GUCY2C: variants seen among roughly 807,000 people sequenced by gnomAD.
The protein encoded by GUCY2C is guanylate cyclase 2C, also known as guanylyl cyclase C.
In GUCY2C, 118 loss-of-function variants were observed where a neutral mutation model predicts 131.1. The observed-to-expected ratio is 0.90, with a 90% CI of 0.78 to 1.05. GUCY2C has a LOEUF of 1.05. Among genes scored for constraint, GUCY2C ranks in the 50% least tolerant of loss-of-function variants. The pLI is 0.00. For missense variants in GUCY2C, 1,161 were observed against 1,304.4 expected, an observed-to-expected ratio of 0.89 and a Z score of 1.69; for synonymous variants, 452 against 457.8, an observed-to-expected ratio of 0.99 and a Z score of 0.16.
chr12:14,677,540 G>GTTTTACT (rs1284950511), intron 6 of GUCY2C, among the ~76,000 whole-genome samples: 19 of 151,670 alleles, frequency 1.3e-4, no homozygotes, highest in Non-Finnish European at 2.2e-4. Flanking sequence ...AAATGCTATG[G>GTTTTACT]TTTATTTTTA....
chr12:14,687,697 T>A (rs1948498746), intron 2 of GUCY2C, among the ~76,000 whole-genome samples: 1 of 152,174 alleles, frequency 6.6e-6, no homozygotes, highest in Non-Finnish European at 1.5e-5. Flanking sequence ...AGAATTCCTC[T>A]CCTTACAAAT....
At chr12:14,672,123 C>T (rs1037934838) in intron 9 of GUCY2C, 18 of 152,146 alleles carry the variant, frequency 1.2e-4, no homozygotes, top group Non-Finnish European at 2.5e-4. Flanking sequence ...CAGGACCTGA[C>T]CTCCTATATA....
rs1946721617 is a variant in GUCY2C, at chr12:14,614,763, C to A, written c.3047+104G>T. Reference sequence around the variant, plus strand: ...CATGTATAGTCCCTTACTTCTTATGCAATATATGCCACTTGTAAGGCATTT... The same window carrying A: ...CATGTATAGTCCCTTACTTCTTATGAAATATATGCCACTTGTAAGGCATTT... On this transcript the variant is annotated intron_variant, in intron 26 of 26. Coordinates refer to ENST00000261170, the MANE Select transcript of GUCY2C (RefSeq NM_004963.4). The A allele has an allele frequency of 6.0e-5, 40 of 666,298 alleles. No individual in the cohort carries two copies. In the East Asian group the frequency reaches 1.2e-3, roughly 21 times the overall value. 41.3% of individuals were successfully genotyped at this position (666,298 alleles called of 1,614,324 possible).
chr12:14,681,356 C>T lies in GUCY2C; in HGVS notation c.733G>A (p.Val245Met), dbSNP rs1565633487. 6.2e-7 allele frequency: 1 copy of T among 1,612,088 alleles called. No homozygotes were observed. The highest frequency in any genetic ancestry group is 1.3e-5 in the African/African-American group (1 of 74,826). The change falls in exon 5 of 27, where the codon GTG (valine) becomes ATG (methionine). Residue 245 changes from valine (V) to methionine (M), a missense_variant and splice_region_variant. By Grantham distance (21) the Val-to-Met change is conservative (BLOSUM62 1). Coordinates refer to ENST00000261170, the MANE Select transcript of GUCY2C (RefSeq NM_004963.4). ...ILMDHNRKSN[V>M]IIMCGGPEFL... is the part of the protein sequence containing the mutation. ...AACAATTATCTTCATGTCTTCTTAC[C>T]ATTGCTTTTCCTGTTGTGGTCCATT...
intron 20 of GUCY2C, among the ~76,000 whole-genome samples, chr12:14,628,073 A>G (rs1947060862): frequency 6.6e-6 from 1 of 152,340 alleles, no homozygotes; most frequent in Middle Eastern, 3.4e-3. Flanking sequence ...ATCTTAGTCT[A>G]GAAATTGGAT....
At chr12:14,685,730 A>G (rs1948455333) in intron 3 of GUCY2C, among the ~76,000 whole-genome samples, 1 of 152,158 alleles carries the variant, frequency 6.6e-6, no homozygotes, top group Non-Finnish European at 1.5e-5. Flanking sequence ...TGAACTAAAT[A>G]TATTGTTATT....
chr12:14,645,228 C>T lies in GUCY2C; in HGVS notation c.1797+1G>A. 1 of 1,477,628 alleles carries T rather than the reference C, an allele frequency of 6.8e-7. No individual in the cohort carries two copies. Among genetic ancestry groups the T allele is most frequent in the Non-Finnish European group, 9.4e-7 (1 of 1,059,502 alleles). 91.5% of individuals were successfully genotyped at this position (1,477,628 alleles called of 1,614,324 possible). ...ATTTTCTGTGTGTGTGTTTCTCTTA[C>T]CTTAGCAATGTCATACAAGACAGAG... On this transcript the variant is annotated splice_donor_variant, in intron 16 of 26. Transcript: ENST00000261170. LOFTEE classifies it high-confidence loss of function.
intron 4 of GUCY2C, among the ~76,000 whole-genome samples, chr12:14,682,059 A>G (rs1374930015): frequency 2.6e-5 from 4 of 152,198 alleles, no homozygotes; most frequent in African/African-American, 4.8e-5. Flanking sequence ...AGATGGAGAA[A>G]GAATGCAGAA....
chr12:14,657,209 G>T (rs572627515), intron 11 of GUCY2C, among the ~76,000 whole-genome samples: 1 of 151,946 alleles, frequency 6.6e-6, no homozygotes, highest in Non-Finnish European at 1.5e-5. Context: ...CAATACTAAA[G>T]GATTTAAACT....
At chr12:14,675,754 C>A (rs1461992013) in intron 7 of GUCY2C, among the ~76,000 whole-genome samples, 1 of 152,164 alleles carries the variant, frequency 6.6e-6, no homozygotes, top group Non-Finnish European at 1.5e-5. Context: ...GGTTCTATTA[C>A]CTCCGGCATG....
chr12:14,676,238 C>T (rs1052544681), intron 7 of GUCY2C, among the ~76,000 whole-genome samples: 1 of 152,136 alleles, frequency 6.6e-6, no homozygotes, highest in Non-Finnish European at 1.5e-5. Flanking sequence ...AATCAGGAGC[C>T]CTGCATTATA....
intron 19 of GUCY2C, among the ~76,000 whole-genome samples, chr12:14,630,216 C>T (rs898202231): frequency 5.9e-5 from 9 of 151,710 alleles, no homozygotes; most frequent in African/African-American, 1.9e-4. Context: ...TGTCCCTGTA[C>T]TTTGTCTGAA....
chr12:14,652,069 T>C, intron 13 of GUCY2C, 39 bp from the exon 14 acceptor site: 1 of 1,176,700 alleles, frequency 8.5e-7, no homozygotes, highest in East Asian at 2.3e-5. Flanking sequence ...AGTGTTGTGG[T>C]GTAACTCTTT....
Position 14,676,955 on chromosome 12 carries a change from C to A in GUCY2C, c.847G>T (p.Asp283Tyr). 1 of 1,464,816 alleles carries A rather than the reference C, an allele frequency of 6.8e-7. No individual in the cohort carries two copies. The highest frequency in any genetic ancestry group is 9.4e-7 in the Non-Finnish European group (1 of 1,061,876). The allele number at this position is 1,464,816 out of a possible 1,614,324, so 90.7% of individuals were successfully genotyped here. Residue 283 changes from aspartate to tyrosine, a missense_variant, in exon 7 of 27, where the codon GAC (aspartate) becomes TAC (tyrosine). Coordinates refer to ENST00000261170, the MANE Select transcript of GUCY2C (RefSeq NM_004963.4). ...ATATAGTCAGGGGCTGTGACATTGT[C>A]CTCAAAGTACTGGTCACTGTAATAA... ...VDLFNDQYFE[D>Y]NVTAPDYMKN...
chr12:14,677,876 A>G (rs1223350128), intron 6 of GUCY2C, among the ~76,000 whole-genome samples: 1 of 151,960 alleles, frequency 6.6e-6, no homozygotes, highest in Admixed American at 6.6e-5. Context: ...CACCACACCC[A>G]GCCTCAAATG....
Position 14,672,977 on chromosome 12 carries a change from A to G in GUCY2C, c.1085-19T>C, listed in dbSNP as rs752242360. 2.8e-6 allele frequency: 4 copies of G among 1,438,648 alleles called. No individual in the cohort carries two copies. Among genetic ancestry groups the G allele is most frequent in the Non-Finnish European group, 3.9e-6 (4 of 1,019,812 alleles). The allele number at this position is 1,438,648 out of a possible 1,614,324, so 89.1% of individuals were successfully genotyped here. On this transcript the variant is annotated intron_variant, in intron 8 of 26. Transcript: ENST00000261170. Reference sequence around the variant, plus strand: ...TCATACCCTAGGGCAAGATCAGAGTATGTTAGAGGCCATTCTTGATTTTTG... The same window carrying G: ...TCATACCCTAGGGCAAGATCAGAGTGTGTTAGAGGCCATTCTTGATTTTTG...
chr12:14,663,686 T>C (rs1302473356), intron 10 of GUCY2C, among the ~76,000 whole-genome samples: 2 of 152,226 alleles, frequency 1.3e-5, no homozygotes, highest in Non-Finnish European at 2.9e-5. Flanking sequence ...TCACACTGTA[T>C]TCTCTATCAT....
At position 14,696,526 on chromosome 12, in the gene GUCY2C, C is replaced by T; in HGVS notation, c.-78G>A. 1 of 1,060,496 alleles carries T rather than the reference C, an allele frequency of 9.4e-7. No homozygotes were observed. The highest frequency in any genetic ancestry group is 1.4e-6 in the Non-Finnish European group (1 of 699,718). 65.7% of individuals were successfully genotyped at this position (1,060,496 alleles called of 1,614,324 possible). A position where few individuals can be genotyped will look rare whatever the true frequency, so the allele number is the denominator to read the frequency against. Reference sequence around the variant, plus strand: ...TGGGCTCCTAGGGAGGCAGGGAATCCAGATGGACAGCCTCTAGTGGAGTCC... The same window carrying T: ...TGGGCTCCTAGGGAGGCAGGGAATCTAGATGGACAGCCTCTAGTGGAGTCC... On this transcript the variant is annotated 5_prime_UTR_variant, in exon 1 of 27. Transcript: ENST00000261170.
intron 11 of GUCY2C, among the ~76,000 whole-genome samples, chr12:14,660,000 T>C (rs1351117704): frequency 6.6e-6 from 1 of 152,240 alleles, no homozygotes; most frequent in Non-Finnish European, 1.5e-5. Context: ...CTTCACTAAA[T>C]GGTCACCACA....
Sources: allele counts gnomAD v4.1 joint callset (sites outside exome capture counted in the v4.1 genomes callset), GRCh38; gene constraint gnomAD v4.1.1; transcripts MANE v1.5; gene names NCBI Gene and HGNC (gene_info 2026-07-23, HGNC 2026-07-21).